The following AKAP19 variants were observed in gnomAD, a reference collection of about 807,000 sequenced individuals.
AKAP19 encodes A-kinase anchoring protein 19, also known as small A-kinase anchoring protein.
the AKAP19 span, among the ~76,000 whole-genome samples, chr2:190,103,412 G>T: frequency 6.6e-6 from 1 of 152,182 alleles, no homozygotes; most frequent in Non-Finnish European, 1.5e-5. Flanking sequence ...TCTTGTTGCT[G>T]ACCATATGAT....
chr2:190,161,285 C>T, the AKAP19 span, among the ~76,000 whole-genome samples: 1 of 152,088 alleles, frequency 6.6e-6, no homozygotes, highest in Non-Finnish European at 1.5e-5. Context: ...CTTTATTTGC[C>T]TTAATCAGTC....
the AKAP19 span, chr2:190,062,503 T>G: frequency 6.2e-7 from 1 of 1,613,574 alleles, no homozygotes; most frequent in South Asian, 1.1e-5. Context: ...TTTTCCACAT[T>G]TTCTTTTTGC....
chr2:190,032,718 G>GT, the AKAP19 span, among the ~76,000 whole-genome samples: 1,832 of 141,934 alleles, frequency 0.013, 26 homozygotes, highest in African/African-American at 0.038. Flanking sequence ...TTAGAGTTTT[G>GT]TTTTTTTTTT....
chr2:189,895,236 C>T, the AKAP19 span, among the ~76,000 whole-genome samples: 8 of 152,142 alleles, frequency 5.3e-5, no homozygotes, highest in African/African-American at 1.9e-4. Context: ...CACCACGAAA[C>T]TTCCACCGTT....
chr2:190,137,127 A>G, the AKAP19 span, among the ~76,000 whole-genome samples: 2 of 152,220 alleles, frequency 1.3e-5, no homozygotes, highest in Non-Finnish European at 2.9e-5. Flanking sequence ...CATATCATCA[A>G]TAAGCTAGGC....
At chr2:189,926,899 T>C in the AKAP19 span, among the ~76,000 whole-genome samples, 1 of 151,994 alleles carries the variant, frequency 6.6e-6, no homozygotes, top group African/African-American at 2.4e-5. Flanking sequence ...ATTGTTTTTC[T>C]AAGAGCAAGG....
chr2:189,934,242 A>T, the AKAP19 span, among the ~76,000 whole-genome samples: 17 of 152,110 alleles, frequency 1.1e-4, no homozygotes, highest in African/African-American at 4.1e-4. Context: ...TTGTAGCTGT[A>T]ACATCACATT....
chr2:190,144,024 G>T, the AKAP19 span, among the ~76,000 whole-genome samples: 8 of 101,002 alleles, frequency 7.9e-5, no homozygotes, highest in African/African-American at 2.7e-4. Context: ...ACTGTGGTGG[G>T]GTGGGGGGAG....
chr2:189,947,622 A>G, the AKAP19 span, among the ~76,000 whole-genome samples: 2 of 152,132 alleles, frequency 1.3e-5, no homozygotes, highest in South Asian at 2.1e-4. Flanking sequence ...ATTATTTAGC[A>G]TGGTACATGG....
the AKAP19 span, among the ~76,000 whole-genome samples, chr2:190,117,420 T>C: frequency 6.6e-6 from 1 of 152,184 alleles, no homozygotes; most frequent in African/African-American, 2.4e-5. Context: ...TAGCTTTCAT[T>C]ATTCTTGAAG....
the AKAP19 span, among the ~76,000 whole-genome samples, chr2:189,918,226 G>T: frequency 6.6e-6 from 1 of 151,960 alleles, no homozygotes; most frequent in Non-Finnish European, 1.5e-5. Flanking sequence ...AAACTCGATA[G>T]AATATATAGT....
the AKAP19 span, among the ~76,000 whole-genome samples, chr2:190,111,652 G>T: frequency 6.6e-6 from 1 of 151,964 alleles, no homozygotes; most frequent in Non-Finnish European, 1.5e-5. Context: ...CTTAAAATTA[G>T]ATAGATAGAC....
the AKAP19 span, among the ~76,000 whole-genome samples, chr2:189,914,891 C>G: frequency 2.0e-5 from 3 of 152,038 alleles, no homozygotes; most frequent in South Asian, 2.1e-4. Context: ...TGGATTTAAA[C>G]CCAGGCATTT....
the AKAP19 span, among the ~76,000 whole-genome samples, chr2:190,034,707 A>G: frequency 6.6e-6 from 1 of 151,552 alleles, no homozygotes; most frequent in Non-Finnish European, 1.5e-5. Flanking sequence ...TTAGCCGGGC[A>G]TGGTGGCGCA....
At chr2:190,057,391 G>C in the AKAP19 span, 2 of 1,613,564 alleles carry the variant, frequency 1.2e-6, no homozygotes, top group African/African-American at 1.3e-5. Context: ...TGAACCTCTG[G>C]GGTTTGCTTG....
the AKAP19 span, among the ~76,000 whole-genome samples, chr2:190,003,261 C>T: frequency 6.6e-6 from 1 of 151,894 alleles, no homozygotes; most frequent in African/African-American, 2.4e-5. Flanking sequence ...AATTTTTCAT[C>T]TCTTATAATT....
the AKAP19 span, among the ~76,000 whole-genome samples, chr2:189,961,222 A>C: frequency 6.6e-6 from 1 of 152,190 alleles, no homozygotes; most frequent in East Asian, 1.9e-4. Context: ...TTGCACACAT[A>C]CATACCCCAA....
At chr2:190,061,410 G>A in the AKAP19 span, among the ~76,000 whole-genome samples, 1 of 152,060 alleles carries the variant, frequency 6.6e-6, no homozygotes, top group East Asian at 1.9e-4. Flanking sequence ...CAGAAGCAGT[G>A]TAGATACTAC....
the AKAP19 span, among the ~76,000 whole-genome samples, chr2:190,089,111 T>A: frequency 3.9e-5 from 6 of 152,204 alleles, no homozygotes; most frequent in Admixed American, 3.9e-4. Flanking sequence ...CAAATCACAG[T>A]TACCCTTTGT....
Sources: gnomAD v4.1 joint callset for allele counts (sites outside exome capture counted in the v4.1 genomes callset) on GRCh38, gnomAD v4.1.1 for gene constraint, MANE v1.5 for transcripts, NCBI Gene and HGNC (gene_info 2026-07-23, HGNC 2026-07-21) for gene names.